Variants in TF observed in about 807,000 individuals in gnomAD.
The protein encoded by TF is transferrin.
A neutral mutation model predicts 82.4 loss-of-function variants in TF; 55 were observed. The ratio of observed to expected loss-of-function variants is 0.67; its 90% CI spans 0.54 to 0.84. TF has a LOEUF of 0.84. Among genes scored for constraint, TF ranks in the 40% least tolerant of loss-of-function variants. TF has a pLI of 0.00. For missense variants in TF, 737 were observed against 868.4 expected (o/e 0.85, Z 1.90); for synonymous variants, 332 against 332.6 (o/e 1.00, Z 0.02).
rs142197344 is a variant in TF at position 133,766,060 on chromosome 3, A to C, written c.1331-218A>C. 4.3e-3 allele frequency among the ~76,000 whole-genome samples: 657 copies of C among 152,316 alleles called. 4 individuals carry two copies. The highest frequency in any genetic ancestry group is 7.8e-3 in the Non-Finnish European group (529 of 68,030). ...GGTTATACACCCAGCCATTGATCTA[A>C]TGATGGTGTTTTCACAATATTTTGT... is the stretch of plus-strand genomic sequence containing the variant. On this transcript the variant is annotated intron_variant, in intron 11 of 16. Coordinates refer to ENST00000402696, the MANE Select transcript of TF (RefSeq NM_001063.4).
chr3:133,735,410 T>G, the TF span, among the ~76,000 whole-genome samples: 1 of 151,592 alleles, frequency 6.6e-6, no homozygotes, highest in Admixed American at 6.6e-5. Context: ...TCCAAAGGAT[T>G]GCAACTCCTT....
chr3:133,749,431 A>C lies in TF; in HGVS notation c.216+847A>C, dbSNP rs566000773. ...ATTAAACACATTGGTCCTTACCCTC[A>C]GGGAGCTCATGGGCTAGTCAGGAGA... On this transcript the variant is annotated intron_variant, in intron 2 of 16. Transcript: ENST00000402696. Among the ~76,000 whole-genome samples, 7 of 152,350 alleles carry C rather than the reference A, an allele frequency of 4.6e-5. No individual in the cohort carries two copies. The South Asian group carries it at 1.5e-3, about 32-fold the overall frequency.
upstream of TF, among the ~76,000 whole-genome samples, chr3:133,741,668 A>C (rs1043122619): frequency 1.8e-4 from 27 of 152,208 alleles, no homozygotes; most frequent in African/African-American, 6.3e-4. Context: ...TCCCATACTG[A>C]GTGATAGGGT....
At chr3:133,682,326 A>G in the TF span, among the ~76,000 whole-genome samples, 2 of 152,354 alleles carry the variant, frequency 1.3e-5, no homozygotes, top group African/African-American at 4.8e-5. Flanking sequence ...GCTCCCCACC[A>G]GCAACGGAAT....
chr3:133,738,200 A>C, the TF span, among the ~76,000 whole-genome samples: 1 of 152,232 alleles, frequency 6.6e-6, no homozygotes, highest in South Asian at 2.1e-4. Flanking sequence ...AAACAGAACC[A>C]ATGACAAAAA....
the TF span, among the ~76,000 whole-genome samples, chr3:133,720,610 A>C: frequency 6.6e-6 from 1 of 152,188 alleles, no homozygotes; most frequent in Middle Eastern, 3.2e-3. Flanking sequence ...CTGGCCATAT[A>C]AAATGAGTTT....
At chr3:133,726,074 G>A in the TF span, among the ~76,000 whole-genome samples, 1 of 152,158 alleles carries the variant, frequency 6.6e-6, no homozygotes, top group South Asian at 2.1e-4. Context: ...TTTTATTGAG[G>A]ATTTTTGCAT....
chr3:133,664,094 T>C, the TF span, among the ~76,000 whole-genome samples: 1 of 152,186 alleles, frequency 6.6e-6, no homozygotes, highest in Non-Finnish European at 1.5e-5. Context: ...ATGAAAATTC[T>C]TGGGCTCCAC....
At chr3:133,766,573 T>C in intron 12 of TF, 140 bp downstream of exon 12, 1 of 1,202,904 alleles carries the variant, frequency 8.3e-7, no homozygotes, top group Non-Finnish European at 1.2e-6. Context: ...CAGTAGAATT[T>C]GCTGTCCTCA....
the TF span, among the ~76,000 whole-genome samples, chr3:133,666,460 C>T: frequency 5.9e-5 from 9 of 152,124 alleles, no homozygotes; most frequent in African/African-American, 2.2e-4. Context: ...TATGAGCCAC[C>T]GCACCCGGCC....
chr3:133,698,426 A>T, the TF span, among the ~76,000 whole-genome samples: 8 of 152,280 alleles, frequency 5.3e-5, no homozygotes, highest in African/African-American at 1.9e-4. Context: ...CTTGTCTGGT[A>T]CCTCTGGAGG....
At chr3:133,691,349 A>G in the TF span, among the ~76,000 whole-genome samples, 1 of 152,228 alleles carries the variant, frequency 6.6e-6, no homozygotes, top group African/African-American at 2.4e-5. Flanking sequence ...AGAAATGTTT[A>G]TTGAACACCT....
At chr3:133,764,757 A>G in intron 10 of TF, 118 bp from the exon 11 acceptor site, 1 of 958,666 alleles carries the variant, frequency 1.0e-6, no homozygotes, top group Non-Finnish European at 1.6e-6. Context: ...AATTGATGAC[A>G]TGTATAGATA....
the TF span, among the ~76,000 whole-genome samples, chr3:133,695,754 A>G: frequency 3.3e-5 from 5 of 152,182 alleles, no homozygotes; most frequent in African/African-American, 9.6e-5. Context: ...CAAAAATATT[A>G]CATCACTACT....
At position 133,768,126 on chromosome 3, in the gene TF, C is replaced by A. The variant is rs1359476207; in HGVS notation, c.1584C>A (p.Asn528Lys). The A allele has an allele frequency of 1.2e-6, 2 of 1,613,936 alleles. No homozygotes were observed. The highest frequency in any genetic ancestry group is 8.5e-7 in the Non-Finnish European group (1 of 1,180,030). ...CAGGCCTAAACCTGTGTGAACCCAA[C>A]AACAAAGAGGGATACTACGGCTACA... ...MGSGLNLCEP[N>K]NKEGYYGYTG... Residue 528 changes from asparagine to lysine, a missense_variant, in exon 13 of 17, where the codon AAC becomes AAA. Physicochemically the swap from Asn to Lys is moderately conservative, Grantham distance 94. Coordinates refer to ENST00000402696, the MANE Select transcript of TF (RefSeq NM_001063.4).
chr3:133,714,300 G>A, the TF span, among the ~76,000 whole-genome samples: 1 of 152,178 alleles, frequency 6.6e-6, no homozygotes, highest in Non-Finnish European at 1.5e-5. Context: ...GACCTTTGAG[G>A]AAGCAGGGCA....
upstream of TF, among the ~76,000 whole-genome samples, chr3:133,742,795 T>C (rs543415175): frequency 1.3e-5 from 2 of 152,290 alleles, no homozygotes; most frequent in South Asian, 4.1e-4. Flanking sequence ...CAAATATTGG[T>C]TCAGAGGCCC....
At chr3:133,768,836 A>T (rs1359553173) in intron 13 of TF, among the ~76,000 whole-genome samples, 2 of 122,866 alleles carry the variant, frequency 1.6e-5, no homozygotes, top group Non-Finnish European at 3.1e-5. Context: ...TCTGTTGCCC[A>T]GGCTGGAGTG....
the TF span, among the ~76,000 whole-genome samples, chr3:133,666,110 G>A: frequency 0.012 from 1,900 of 152,224 alleles, 46 homozygotes; most frequent in African/African-American, 0.043. Context: ...GAGTTATAGA[G>A]TTTTATGTTT....
Sources: gnomAD v4.1 joint callset for allele counts (sites outside exome capture counted in the v4.1 genomes callset) on GRCh38, gnomAD v4.1.1 for gene constraint, MANE v1.5 for transcripts, NCBI Gene and HGNC (gene_info 2026-07-23, HGNC 2026-07-21) for gene names.